Variants in ZFHX3 observed in about 807,000 individuals in gnomAD.
ZFHX3 encodes the protein zinc finger homeobox protein 3.
A neutral mutation model predicts 279.1 loss-of-function variants in ZFHX3; 42 were observed. The observed-to-expected ratio is 0.15, with a 90% CI of 0.12 to 0.19. ZFHX3 has a LOEUF of 0.19. ZFHX3 is among the 10% of genes least tolerant of loss of function. The pLI is 1.00. For synonymous variants in ZFHX3, 2,293 were observed against 1,957.8 expected, an observed-to-expected ratio of 1.17 and a Z score of -4.52; for missense variants, 4,981 against 4,754.0, an observed-to-expected ratio of 1.05 and a Z score of -1.40.
chr16:73,322,057 A>T (rs578025078), intron 3 of ZFHX3, among the ~76,000 whole-genome samples: 1 of 152,334 alleles, frequency 6.6e-6, no homozygotes, highest in African/African-American at 2.4e-5. Context: ...CAGCCCTCAC[A>T]GTTCATTTGC....
intron 2 of ZFHX3, among the ~76,000 whole-genome samples, chr16:73,532,873 G>T (rs903965446): frequency 1.3e-5 from 2 of 152,072 alleles, no homozygotes; most frequent in African/African-American, 4.8e-5. Flanking sequence ...GTTTTATAAG[G>T]GTCTTCCCCC....
intron 5 of ZFHX3, among the ~76,000 whole-genome samples, chr16:72,821,257 A>C (rs1246774557): frequency 6.6e-6 from 1 of 152,166 alleles, no homozygotes; most frequent in Non-Finnish European, 1.5e-5. Flanking sequence ...TTAGGGAAGA[A>C]AGACATTACT....
At chr16:73,526,641 T>A (rs2019700718) in intron 2 of ZFHX3, among the ~76,000 whole-genome samples, 1 of 152,228 alleles carries the variant, frequency 6.6e-6, no homozygotes, top group Admixed American at 6.5e-5. Flanking sequence ...TGAGGAGAAC[T>A]GCTGGCTGTG....
At chr16:73,480,348 G>A (rs1194100354) in intron 2 of ZFHX3, among the ~76,000 whole-genome samples, 3 of 152,106 alleles carry the variant, frequency 2.0e-5, no homozygotes, top group African/African-American at 7.2e-5. Flanking sequence ...TGTTTGGATG[G>A]GTTTTGCTTT....
chr16:73,117,661 CT>C (rs1262728758), intron 7 of ZFHX3, among the ~76,000 whole-genome samples: 1 of 152,226 alleles, frequency 6.6e-6, no homozygotes, highest in Non-Finnish European at 1.5e-5. Flanking sequence ...CTCTAGCCTC[CT>C]GCTATAGACC....
At chr16:73,047,195 G>A (rs1270489887) in intron 1 of ZFHX3, among the ~76,000 whole-genome samples, 1 of 152,112 alleles carries the variant, frequency 6.6e-6, no homozygotes, top group East Asian at 1.9e-4. Context: ...TAAAAATCTT[G>A]ACTCTCTCCT....
chr16:73,843,851 G>C (rs1040138230), intron 1 of ZFHX3, among the ~76,000 whole-genome samples: 1 of 152,224 alleles, frequency 6.6e-6, no homozygotes, highest in Non-Finnish European at 1.5e-5. Context: ...GCCACAGACA[G>C]TTTGTAAACA....
intron 2 of ZFHX3, among the ~76,000 whole-genome samples, chr16:73,653,655 T>C (rs1044888697): frequency 1.3e-5 from 2 of 151,978 alleles, no homozygotes; most frequent in African/African-American, 4.8e-5. Context: ...CATTTCTAAA[T>C]TGTGTAAAAA....
intron 8 of ZFHX3, among the ~76,000 whole-genome samples, chr16:73,065,622 C>A (rs1443319493): frequency 6.7e-6 from 1 of 148,960 alleles, no homozygotes; most frequent in Admixed American, 6.7e-5. Flanking sequence ...TGTGTGTCTC[C>A]CCAAAGCCAG....
At chr16:73,127,866 T>A (rs1031663216) in intron 7 of ZFHX3, among the ~76,000 whole-genome samples, 25 of 152,192 alleles carry the variant, frequency 1.6e-4, no homozygotes, top group Admixed American at 9.2e-4. Context: ...TTCTTTTTCT[T>A]GAATTAGATG....
chr16:73,014,515 C>CTTTTTTTTTTTTTTTTTTTTTT (rs1567633191), intron 1 of ZFHX3: 2 of 95,362 alleles, frequency 2.1e-5, no homozygotes, highest in African/African-American at 3.9e-5. Flanking sequence ...GTAATTTCTT[C>CTTTTTTTTTTTTTTTTTTTTTT]TTCTTTTTTT....
At chr16:73,209,996 C>T (rs1317188581) in intron 5 of ZFHX3, among the ~76,000 whole-genome samples, 2 of 152,118 alleles carry the variant, frequency 1.3e-5, no homozygotes, top group African/African-American at 4.8e-5. Context: ...TATGTACACA[C>T]ATTTGTAAAT....
chr16:73,281,419 A>C (rs2014455268), intron 4 of ZFHX3, among the ~76,000 whole-genome samples: 1 of 152,222 alleles, frequency 6.6e-6, no homozygotes, highest in Admixed American at 6.5e-5. Context: ...ATATGTGAAA[A>C]GCATAGAAGC....
chr16:73,757,628 T>C (rs1597097591), intron 1 of ZFHX3, among the ~76,000 whole-genome samples: 1 of 152,276 alleles, frequency 6.6e-6, no homozygotes, highest in Non-Finnish European at 1.5e-5. Context: ...AGTCAGAGTT[T>C]AGTGGAGGAA....
chr16:72,828,542 T>A (rs1254535226), intron 5 of ZFHX3, among the ~76,000 whole-genome samples: 1 of 152,184 alleles, frequency 6.6e-6, no homozygotes, highest in African/African-American at 2.4e-5. Context: ...CCTGCCTGGC[T>A]GCACTGCTTG....
chr16:73,455,336 C>T (rs113570570), intron 3 of ZFHX3, among the ~76,000 whole-genome samples: 71 of 152,296 alleles, frequency 4.7e-4, no homozygotes, highest in African/African-American at 1.3e-3. Context: ...ATCATTCATC[C>T]AGTTCCTTAG....
chr16:73,000,015 A>G (rs1232419371), intron 1 of ZFHX3, among the ~76,000 whole-genome samples: 1 of 152,182 alleles, frequency 6.6e-6, no homozygotes, highest in Non-Finnish European at 1.5e-5. Flanking sequence ...GTTTTGAAGG[A>G]AAGACTGGAA....
At chr16:73,816,971 C>A (rs962736053) in intron 1 of ZFHX3, among the ~76,000 whole-genome samples, 2 of 152,144 alleles carry the variant, frequency 1.3e-5, no homozygotes, top group African/African-American at 4.8e-5. Flanking sequence ...TAGCATGAGA[C>A]ATTGAAGGTC....
intron 1 of ZFHX3, among the ~76,000 whole-genome samples, chr16:73,790,265 CTT>C (rs745914414): frequency 2.9e-5 from 4 of 137,616 alleles, no homozygotes; most frequent in South Asian, 2.3e-4. Flanking sequence ...AAGGGAGTGT[CTT>C]TTTTTTTTTT....
Sources: gnomAD v4.1 joint callset for allele counts (sites outside exome capture counted in the v4.1 genomes callset) on GRCh38, gnomAD v4.1.1 for gene constraint, MANE v1.5 for transcripts, NCBI Gene and HGNC (gene_info 2026-07-23, HGNC 2026-07-21) for gene names.